AJAP1: variants seen among roughly 807,000 people sequenced by gnomAD.
The protein encoded by AJAP1 is adherens junction-associated protein 1.
In AJAP1, 5 loss-of-function variants were observed where a neutral mutation model predicts 35.0. The ratio of observed to expected loss-of-function variants is 0.14; its 90% confidence interval spans 0.07 to 0.30. AJAP1 has a LOEUF of 0.30. AJAP1 is among the 10% of genes least tolerant of loss of function. The probability of loss-of-function intolerance (pLI) is 1.00; values close to 1 mark genes in which losing one functional copy is unlikely to be tolerated. For missense variants in AJAP1, 586 were observed against 571.0 expected, an observed-to-expected ratio of 1.03 and a Z score of -0.27; for synonymous variants, 284 against 249.3, an observed-to-expected ratio of 1.14 and a Z score of -1.31.
rs371723963 is a variant in AJAP1 at position 4,695,707 on chromosome 1, G to A, written c.30-16193G>A. Among the ~76,000 whole-genome samples the A allele has an allele frequency of 1.3e-4, 20 of 152,288 alleles. 1 individual carries two copies. The highest frequency in any genetic ancestry group is 4.6e-4 in the African/African-American group (19 of 41,556). On this transcript the variant is annotated intron_variant, in intron 1 of 5. Coordinates refer to ENST00000378191, the MANE Select transcript of AJAP1 (RefSeq NM_018836.4). The stretch of plus-strand genomic sequence containing the variant: ...TGCCTTTCCCCTGTATCTTCACATG[G>A]TCTTGGCTCTGTGTGTCTGTTCTCA...
At chr1:4,688,363 T>A (rs1245500369) in intron 1 of AJAP1, among the ~76,000 whole-genome samples, 2 of 152,148 alleles carry the variant, frequency 1.3e-5, no homozygotes, top group Non-Finnish European at 2.9e-5. Context: ...GTGAGAAACA[T>A]AACTATTCCG....
At chr1:4,743,610 C>T (rs1470550427) in intron 2 of AJAP1, among the ~76,000 whole-genome samples, 3 of 152,168 alleles carry the variant, frequency 2.0e-5, no homozygotes, top group African/African-American at 4.8e-5. Context: ...TGAGACATTG[C>T]CAGGAGCTTG....
At chr1:4,763,930 C>T (rs1435433241) in intron 2 of AJAP1, among the ~76,000 whole-genome samples, 1 of 151,476 alleles carries the variant, frequency 6.6e-6, no homozygotes, top group Admixed American at 6.6e-5. Flanking sequence ...TCTCCCCACA[C>T]CTTCCAAGGT....
chr1:4,740,547 A>G (rs868358898), intron 2 of AJAP1, among the ~76,000 whole-genome samples: 1 of 151,938 alleles, frequency 6.6e-6, no homozygotes, highest in Non-Finnish European at 1.5e-5. Flanking sequence ...GCACTTTGGG[A>G]GGCCGAGGCG....
chr1:4,699,006 C>T (rs541379651), intron 1 of AJAP1, among the ~76,000 whole-genome samples: 1 of 152,328 alleles, frequency 6.6e-6, no homozygotes, highest in Admixed American at 6.5e-5. Flanking sequence ...GTACCCCCTC[C>T]ATCACAGGGC....
chr1:4,715,671 G>T (rs1326532654), intron 2 of AJAP1, among the ~76,000 whole-genome samples: 1 of 152,042 alleles, frequency 6.6e-6, no homozygotes, highest in Non-Finnish European at 1.5e-5. Flanking sequence ...GGCAATAAGA[G>T]TGAAACTTAT....
chr1:4,665,549 G>T (rs915788825), intron 1 of AJAP1, among the ~76,000 whole-genome samples: 4 of 152,194 alleles, frequency 2.6e-5, no homozygotes, highest in Admixed American at 1.3e-4. Flanking sequence ...AACAGCATCT[G>T]TTTCTCAGGC....
intron 1 of AJAP1, 25 bp from the exon 2 acceptor site, chr1:4,711,875 C>G: frequency 6.9e-7 from 1 of 1,443,292 alleles, no homozygotes; most frequent in South Asian, 1.5e-5. Flanking sequence ...ACTGACCGCT[C>G]TTCTCTCCTT....
intron 1 of AJAP1, among the ~76,000 whole-genome samples, chr1:4,658,662 C>G (rs1055374273): frequency 6.6e-6 from 1 of 152,238 alleles, no homozygotes; most frequent in Non-Finnish European, 1.5e-5. Flanking sequence ...GTACATACCC[C>G]CCTTTCATGC....
chr1:4,727,948 A>AGCC (rs1640707840), intron 2 of AJAP1, among the ~76,000 whole-genome samples: 1 of 151,962 alleles, frequency 6.6e-6, no homozygotes, highest in Admixed American at 6.5e-5. Flanking sequence ...AGATGACAGC[A>AGCC]CAGCCCAGCC....
Position 4,790,730 on chromosome 1 carries a change from A to T in AJAP1, c.*8245A>T, listed in dbSNP as rs576763035. 11 of 152,350 alleles carry T rather than the reference A, an allele frequency of 7.2e-5. 1 individual carries two copies. In the South Asian group the frequency reaches 2.3e-3, roughly 32 times the overall value. The allele number at this position is 152,350 out of a possible 1,614,324, so 9.4% of individuals were successfully genotyped here. On this transcript the variant is annotated 3_prime_UTR_variant, in exon 6 of 6. Coordinates refer to ENST00000378191, the MANE Select transcript of AJAP1 (RefSeq NM_018836.4). Reference sequence around the variant, plus strand: ...ATGAATTCCCAGCCTGAGGTGACACACAGAGGTTCAGCAGACGTCTCAGGA... The same window carrying T: ...ATGAATTCCCAGCCTGAGGTGACACTCAGAGGTTCAGCAGACGTCTCAGGA...
intron 2 of AJAP1, among the ~76,000 whole-genome samples, chr1:4,752,973 A>G (rs1641351895): frequency 6.6e-6 from 1 of 152,162 alleles, no homozygotes; most frequent in African/African-American, 2.4e-5. Flanking sequence ...CCTTGGCCAC[A>G]TGCCTTTGTT....
At chr1:4,780,683 G>A (rs920716991) in intron 5 of AJAP1, among the ~76,000 whole-genome samples, 17 of 147,538 alleles carry the variant, frequency 1.2e-4, no homozygotes, top group African/African-American at 4.0e-4. Flanking sequence ...CCAGGCTGGA[G>A]TGTAGTGGTG....
rs905545708 is a variant in AJAP1, at chr1:4,789,501, C to T, written c.*7016C>T. The T allele has an allele frequency of 1.3e-5, 2 of 152,140 alleles. No homozygotes were observed. Among genetic ancestry groups the T allele is most frequent in the Non-Finnish European group, 2.9e-5 (2 of 68,014 alleles). 9.4% of individuals were successfully genotyped at this position (152,140 alleles called of 1,614,324 possible). ...CTTAAAACAGAATCCCCTGGAGACC[C>T]GGGTTTTCATTTTGTAATTCAACAC... On this transcript the variant is annotated 3_prime_UTR_variant, in exon 6 of 6. Transcript: ENST00000378191. The surrounding 1 kb of genome is among the most constrained non-coding windows in gnomAD (Gnocchi z 4.4).
chr1:4,785,052 G>C lies in AJAP1; in HGVS notation c.*2567G>C, dbSNP rs9426484. 1.3e-5 allele frequency: 2 copies of C among 152,098 alleles called. No individual in the cohort carries two copies. Among genetic ancestry groups the C allele is most frequent in the African/African-American group, 4.8e-5 (2 of 41,376 alleles). 9.4% of individuals were successfully genotyped at this position (152,098 alleles called of 1,614,324 possible). A position where few individuals can be genotyped will look rare whatever the true frequency, so the allele number is the denominator to read the frequency against. On this transcript the variant is annotated 3_prime_UTR_variant, in exon 6 of 6. Transcript: ENST00000378191. ...GACGGCCGGGGGGCCCTGTTGGTTC[G>C]CTGATCATGAGAACCTAGGATTCCC... is the stretch of plus-strand genomic sequence containing the variant.
chr1:4,761,500 TC>T (rs1242446655), intron 2 of AJAP1, among the ~76,000 whole-genome samples: 1 of 152,226 alleles, frequency 6.6e-6, no homozygotes, highest in African/African-American at 2.4e-5. Context: ...TCTCCAAGTC[TC>T]CCTGGACCAT....
chr1:4,765,068 C>T (rs147302204), intron 2 of AJAP1, among the ~76,000 whole-genome samples: 1 of 152,136 alleles, frequency 6.6e-6, no homozygotes, highest in African/African-American at 2.4e-5. Flanking sequence ...GCAGCTGATT[C>T]CTCACGCATT....
chr1:4,780,401 A>G (rs189187255), intron 5 of AJAP1, among the ~76,000 whole-genome samples: 15 of 151,706 alleles, frequency 9.9e-5, no homozygotes, highest in Admixed American at 6.6e-4. Flanking sequence ...TCGTCTCTAC[A>G]TTTTTTAACT....
intron 2 of AJAP1, among the ~76,000 whole-genome samples, chr1:4,714,750 G>T (rs1156874366): frequency 6.6e-6 from 1 of 152,184 alleles, no homozygotes; most frequent in African/African-American, 2.4e-5. Context: ...GCAATGCTGG[G>T]CCACAGGGAA....
Sources: gnomAD v4.1 joint callset for allele counts (sites outside exome capture counted in the v4.1 genomes callset) on GRCh38, gnomAD v4.1.1 for gene constraint, Gnocchi (gnomAD v3.1) non-coding constraint, MANE v1.5 for transcripts, NCBI Gene and HGNC (gene_info 2026-07-23, HGNC 2026-07-21) for gene names.